The following CEACAM21 variants were observed in gnomAD, a reference collection of about 807,000 sequenced individuals.
CEACAM21 encodes cell adhesion molecule CEACAM21.
In CEACAM21, 38 loss-of-function variants were observed where a neutral mutation model predicts 33.2. The observed-to-expected ratio is 1.14, with a 90% CI of 0.88 to 1.50. The LOEUF (loss-of-function observed/expected upper bound fraction) is 1.50. Among genes scored for constraint, CEACAM21 ranks in the 40% most tolerant of loss-of-function variants. The pLI is 0.00. For synonymous variants in CEACAM21, 156 were observed against 143.0 expected (o/e 1.09, Z -0.65); for missense variants, 385 against 364.6 (o/e 1.06, Z -0.46).
intron 2 of CEACAM21, among the ~76,000 whole-genome samples, chr19:41,565,977 T>C (rs879986837): frequency 1.9e-5 from 1 of 52,236 alleles, no homozygotes; most frequent in African/African-American, 1.2e-4. Context: ...GCGGGGGGGG[T>C]GGGGTTCTGG....
chr19:41,581,779 T>C (rs2043407436), intron 3 of CEACAM21, among the ~76,000 whole-genome samples: 1 of 152,112 alleles, frequency 6.6e-6, no homozygotes, highest in Non-Finnish European at 1.5e-5. Flanking sequence ...ACCCCCATGA[T>C]TCAATTACCT....
chr19:41,553,994 T>C (rs1298450875), intron 1 of CEACAM21, among the ~76,000 whole-genome samples: 1 of 152,130 alleles, frequency 6.6e-6, no homozygotes, highest in Non-Finnish European at 1.5e-5. Context: ...CAAATGGTGT[T>C]CATAGGAGTA....
intron 1 of CEACAM21, among the ~76,000 whole-genome samples, chr19:41,562,244 C>CA (rs1380644065): frequency 2.2e-4 from 31 of 142,606 alleles, no homozygotes; most frequent in Non-Finnish European, 3.0e-4. Context: ...GACTCCATCT[C>CA]AAAAAAACAA....
At chr19:41,582,578 A>G (rs1215886786) in intron 3 of CEACAM21, among the ~76,000 whole-genome samples, 3 of 152,222 alleles carry the variant, frequency 2.0e-5, no homozygotes, top group African/African-American at 7.2e-5. Flanking sequence ...ATCTAGGCGA[A>G]GGTTCCCAAA....
At chr19:41,559,208 T>G (rs1008721389) in intron 1 of CEACAM21, among the ~76,000 whole-genome samples, 3 of 152,254 alleles carry the variant, frequency 2.0e-5, no homozygotes, top group Non-Finnish European at 4.4e-5. Flanking sequence ...CAGAAATTAC[T>G]CATCGATTGT....
chr19:41,577,149 C>T, intron 1 of CEACAM21, 51 bp from the exon 2 acceptor site: 2 of 1,610,634 alleles, frequency 1.2e-6, no homozygotes, highest in East Asian at 2.2e-5. Context: ...CCCCGTCTTT[C>T]CATGCCAATG....
intron 1 of CEACAM21, chr19:41,564,641 C>G (rs1159855583): frequency 6.6e-6 from 1 of 152,224 alleles, no homozygotes; most frequent in Non-Finnish European, 1.5e-5. Context: ...TGTCTCTTCA[C>G]AGCGCTGCAG....
intron 1 of CEACAM21, among the ~76,000 whole-genome samples, chr19:41,576,855 G>C (rs1555791228): frequency 6.6e-6 from 1 of 152,158 alleles, no homozygotes; most frequent in African/African-American, 2.4e-5. Flanking sequence ...GCTGACAAGA[G>C]CCCTGGAGGG....
intron 3 of CEACAM21, among the ~76,000 whole-genome samples, chr19:41,582,270 C>T (rs185489933): frequency 4.6e-5 from 7 of 152,344 alleles, no homozygotes; most frequent in Middle Eastern, 3.4e-3. Context: ...GGGCTCCACC[C>T]CTGTGGCTTT....
At chr19:41,584,543 C>A in intron 4 of CEACAM21, 100 bp downstream of exon 4, 1 of 1,023,126 alleles carries the variant, frequency 9.8e-7, no homozygotes, top group South Asian at 1.4e-5. Flanking sequence ...CTCTCCCCAG[C>A]CTCCCGACTC....
chr19:41,550,760 A>T, intron 1 of CEACAM21: 1 of 152,238 alleles, frequency 6.6e-6, no homozygotes, highest in East Asian at 1.9e-4. Context: ...TAACAGAGTG[A>T]GACTCCGCTT....
intron 1 of CEACAM21, among the ~76,000 whole-genome samples, chr19:41,561,636 G>A (rs2041888811): frequency 1.3e-5 from 2 of 152,172 alleles, no homozygotes; most frequent in African/African-American, 4.8e-5. Context: ...GAGTAACAAG[G>A]GGGCAATTGC....
intron 1 of CEACAM21, chr19:41,550,679 G>A (rs2041151156): frequency 6.6e-6 from 1 of 152,240 alleles, no homozygotes; most frequent in African/African-American, 2.4e-5. Context: ...GCTGAGGCAG[G>A]AGAAATGCTT....
chr19:41,567,309 T>A (rs182873356), intron 2 of CEACAM21, among the ~76,000 whole-genome samples: 1 of 152,286 alleles, frequency 6.6e-6, no homozygotes, highest in African/African-American at 2.4e-5. Flanking sequence ...GAGAACAAAT[T>A]AAGGCTATTT....
upstream of CEACAM21, among the ~76,000 whole-genome samples, chr19:41,574,793 A>C (rs1163156260): frequency 2.0e-5 from 3 of 152,198 alleles, no homozygotes; most frequent in South Asian, 2.1e-4. Flanking sequence ...TTTCTCAAAA[A>C]CTTAAACATA....
At chr19:41,568,554 A>G (rs2042409423) in intron 2 of CEACAM21, among the ~76,000 whole-genome samples, 2 of 152,094 alleles carry the variant, frequency 1.3e-5, no homozygotes, top group Non-Finnish European at 2.9e-5. Context: ...TCCTTTCCCC[A>G]TTGTGTGCAT....
intron 1 of CEACAM21, among the ~76,000 whole-genome samples, chr19:41,552,563 G>A (rs1280389873): frequency 6.6e-6 from 1 of 152,158 alleles, no homozygotes; most frequent in East Asian, 1.9e-4. Context: ...ACCTCCATTA[G>A]TGAAATCTGG....
At chr19:41,571,259 A>G (rs1046322261), upstream of CEACAM21, among the ~76,000 whole-genome samples, 2 of 152,204 alleles carry the variant, frequency 1.3e-5, no homozygotes, top group African/African-American at 4.8e-5. Context: ...CATGTGTGGG[A>G]AGAGTAGAAA....
intron 1 of CEACAM21, among the ~76,000 whole-genome samples, chr19:41,558,633 C>G (rs559782632): frequency 6.6e-6 from 1 of 151,994 alleles, no homozygotes; most frequent in South Asian, 2.1e-4. Flanking sequence ...GGTGACAGAG[C>G]GAGGCTCTGA....
Sources: allele counts gnomAD v4.1 joint callset (sites outside exome capture counted in the v4.1 genomes callset), GRCh38; gene constraint gnomAD v4.1.1; transcripts MANE v1.5; gene names NCBI Gene and HGNC (gene_info 2026-07-23, HGNC 2026-07-21).